The following GRAP2 variants were observed in gnomAD, a reference collection of about 807,000 sequenced individuals.
GRAP2 encodes the protein GRB2-related adapter protein 2.
In GRAP2, 31 loss-of-function variants were observed where a neutral mutation model predicts 43.5. The ratio of observed to expected loss-of-function variants is 0.71; its 90% CI spans 0.54 to 0.96. The LOEUF (loss-of-function observed/expected upper bound fraction) is 0.96, where lower values mean the gene tolerates loss of function less well. Ranked by LOEUF, GRAP2 falls within the 40% of genes least tolerant of loss-of-function variation. GRAP2 has a pLI of 0.00. For synonymous variants in GRAP2, 156 were observed against 164.8 expected (o/e 0.95, Z 0.41); for missense variants, 371 against 424.4 (o/e 0.87, Z 1.11).
At chr22:39,945,498 TGA>T (rs2066912352) in intron 1 of GRAP2, among the ~76,000 whole-genome samples, 1 of 152,212 alleles carries the variant, frequency 6.6e-6, no homozygotes, top group Admixed American at 6.5e-5. Flanking sequence ...GAATTCCCAC[TGA>T]GAGGACAAAT....
At chr22:39,945,712 A>ATC (rs2066915080) in intron 1 of GRAP2, among the ~76,000 whole-genome samples, 1 of 152,242 alleles carries the variant, frequency 6.6e-6, no homozygotes, top group Non-Finnish European at 1.5e-5. Flanking sequence ...CAATGAGAAA[A>ATC]GTTCATAGGA....
intron 3 of GRAP2, among the ~76,000 whole-genome samples, chr22:39,957,286 A>G (rs1281096628): frequency 1.3e-5 from 2 of 152,120 alleles, no homozygotes; most frequent in Admixed American, 6.5e-5. Context: ...CTGCCCAGGA[A>G]TCTGCTAGGT....
Position 39,901,189 on chromosome 22 carries a change from C to G in GRAP2, c.-156C>G, listed in dbSNP as rs1279445754. 4.3e-6 allele frequency: 3 copies of G among 693,828 alleles called. No individual in the cohort carries two copies. Among genetic ancestry groups the G allele is most frequent in the Non-Finnish European group, 6.7e-6 (3 of 445,260 alleles). 43.0% of individuals were successfully genotyped at this position (693,828 alleles called of 1,614,324 possible). A position where few individuals can be genotyped will look rare whatever the true frequency, so the allele number is the denominator to read the frequency against. On this transcript the variant is annotated 5_prime_UTR_variant, in exon 1 of 8. Transcript: ENST00000344138. ...ACTTGCACCCTCTTTCAGAGTGGTA[C>G]ATGGAAGACAGCACAAAGTGGATCC...
intron 5 of GRAP2, among the ~76,000 whole-genome samples, chr22:39,967,734 A>C (rs1340851940): frequency 6.6e-6 from 1 of 152,186 alleles, no homozygotes; most frequent in Non-Finnish European, 1.5e-5. Context: ...GTAAAATGGA[A>C]TATTTCAGCT....
intron 2 of GRAP2, among the ~76,000 whole-genome samples, chr22:39,949,239 A>G (rs527884349): frequency 2.6e-5 from 4 of 152,200 alleles, no homozygotes; most frequent in African/African-American, 9.6e-5. Flanking sequence ...AGAAGCCCCA[A>G]TTATCATCAA....
chr22:39,896,094 A>G (rs2066465532), upstream of GRAP2, among the ~76,000 whole-genome samples: 1 of 152,190 alleles, frequency 6.6e-6, no homozygotes, highest in Admixed American at 6.5e-5. Flanking sequence ...AAGGTCAGAG[A>G]TTCCAATTTT....
chr22:39,926,681 T>C, intron 1 of GRAP2: 3 of 985,274 alleles, frequency 3.0e-6, no homozygotes, highest in Non-Finnish European at 3.6e-6. Flanking sequence ...GGAAAATTCG[T>C]TGCCATGCAT....
intron 2 of GRAP2, chr22:39,948,459 T>A (rs2066947805): frequency 6.6e-6 from 1 of 151,700 alleles, no homozygotes; most frequent in Non-Finnish European, 1.5e-5. Context: ...TCCACCCTCG[T>A]CTTCCATTAC....
intron 1 of GRAP2, among the ~76,000 whole-genome samples, chr22:39,903,854 G>A (rs150087146): frequency 2.3e-3 from 345 of 152,108 alleles, no homozygotes; most frequent in Middle Eastern, 6.8e-3. Flanking sequence ...AACATTTATC[G>A]ATCAATTACT....
chr22:39,914,539 C>T (rs2066589658), intron 1 of GRAP2, among the ~76,000 whole-genome samples: 2 of 152,194 alleles, frequency 1.3e-5, no homozygotes, highest in South Asian at 2.1e-4. Context: ...AGGATTTACT[C>T]AACTGAATTC....
At chr22:39,952,065 T>A (rs1379207278) in intron 2 of GRAP2, among the ~76,000 whole-genome samples, 2 of 151,240 alleles carry the variant, frequency 1.3e-5, no homozygotes, top group Non-Finnish European at 3.0e-5. Context: ...CTTGCTCTGT[T>A]GCCCAGGCTG....
intron 1 of GRAP2, among the ~76,000 whole-genome samples, chr22:39,937,113 C>G (rs1485881399): frequency 6.6e-6 from 1 of 152,186 alleles, no homozygotes. Flanking sequence ...CTCTAAAATG[C>G]AAAGGATGAT....
At chr22:39,953,757 G>T (rs1420113835) in intron 2 of GRAP2, among the ~76,000 whole-genome samples, 2 of 152,112 alleles carry the variant, frequency 1.3e-5, no homozygotes, top group Admixed American at 6.5e-5. Flanking sequence ...CTACAGGTGC[G>T]CTTCCACCAC....
intron 2 of GRAP2, among the ~76,000 whole-genome samples, chr22:39,953,876 G>A (rs532734307): frequency 2.0e-5 from 3 of 152,202 alleles, no homozygotes; most frequent in Non-Finnish European, 4.4e-5. Flanking sequence ...GCCTCCCAAA[G>A]TGCTGGGATT....
chr22:39,940,234 C>T (rs1204786686), intron 1 of GRAP2, among the ~76,000 whole-genome samples: 1 of 152,104 alleles, frequency 6.6e-6, no homozygotes, highest in African/African-American at 2.4e-5. Flanking sequence ...GTAACATTTC[C>T]AACATGACCA....
At chr22:39,917,126 A>G (rs2066609147) in intron 1 of GRAP2, among the ~76,000 whole-genome samples, 1 of 152,226 alleles carries the variant, frequency 6.6e-6, no homozygotes, top group Non-Finnish European at 1.5e-5. Flanking sequence ...TGCATTGATG[A>G]CAGCAGAGTG....
At chr22:39,919,434 A>ACCCTGT (rs2066631554) in intron 1 of GRAP2, among the ~76,000 whole-genome samples, 1 of 151,994 alleles carries the variant, frequency 6.6e-6, no homozygotes, top group African/African-American at 2.4e-5. Flanking sequence ...ATTATATTAG[A>ACCCTGT]CCCTGTTTTT....
chr22:39,904,020 G>T (rs551566294), intron 1 of GRAP2, among the ~76,000 whole-genome samples: 52 of 152,198 alleles, frequency 3.4e-4, no homozygotes, highest in African/African-American at 1.1e-3. Context: ...AGAATTAAAA[G>T]AAACTATCAC....
the GRAP2 span, among the ~76,000 whole-genome samples, chr22:39,894,469 A>G: frequency 5.3e-5 from 8 of 151,810 alleles, no homozygotes. Context: ...CTAATGCTAG[A>G]TGACGAGTTA....
Sources: allele counts gnomAD v4.1 joint callset (sites outside exome capture counted in the v4.1 genomes callset), GRCh38; gene constraint gnomAD v4.1.1; transcripts MANE v1.5; gene names NCBI Gene and HGNC (gene_info 2026-07-23, HGNC 2026-07-21).